Variants in DPH6 observed in about 807,000 individuals in gnomAD.
The protein encoded by DPH6 is diphthamine biosynthesis 6.
Under a neutral mutation model 38.2 loss-of-function variants are expected in DPH6, and 33 were observed. The ratio of observed to expected loss-of-function variants is 0.86; its 90% CI spans 0.65 to 1.15. The LOEUF (loss-of-function observed/expected upper bound fraction) is 1.15. Ranked by LOEUF, DPH6 falls within the 50% of genes most tolerant of loss-of-function variation. The pLI, the probability that DPH6 is intolerant of heterozygous loss-of-function variation, is 0.00. For synonymous variants in DPH6, 108 were observed against 103.0 expected (o/e 1.05, Z -0.30); for missense variants, 325 against 320.0 (o/e 1.02, Z -0.12).
intron 3 of DPH6, among the ~76,000 whole-genome samples, chr15:35,350,290 T>C (rs994603540): frequency 6.6e-6 from 1 of 151,184 alleles, no homozygotes; most frequent in Non-Finnish European, 1.5e-5. Flanking sequence ...TGCAATGTCT[T>C]CTTTCATTTC....
rs1052700853 is a variant in DPH6, at chr15:35,370,940, T to C, written c.*1210A>G. On this transcript the variant is annotated 3_prime_UTR_variant, in exon 9 of 9. Transcript: ENST00000256538. ...CCAAAACATGGAAGCAACTGAGATG[T>C]TCTTCAATAGGTGCATGGACAAATG... 13 of 151,708 alleles carry C rather than the reference T, an allele frequency of 8.6e-5. No homozygotes were observed. The highest frequency in any genetic ancestry group is 3.1e-4 in the African/African-American group (13 of 41,374). 9.4% of individuals were successfully genotyped at this position (151,708 alleles called of 1,614,324 possible). A position where few individuals can be genotyped will look rare whatever the true frequency, so the allele number is the denominator to read the frequency against.
chr15:35,312,010 G>GAAA (rs10573455), intron 3 of DPH6, among the ~76,000 whole-genome samples: 33 of 102,120 alleles, frequency 3.2e-4, no homozygotes, highest in Non-Finnish European at 5.0e-4. Flanking sequence ...TTAAGAAAAT[G>GAAA]AAAAAAAAAA....
the DPH6 span, among the ~76,000 whole-genome samples, chr15:35,191,375 T>C: frequency 2.0e-5 from 3 of 152,312 alleles, no homozygotes; most frequent in East Asian, 3.9e-4. Context: ...TCTACTCAAA[T>C]GGTGATTCAA....
chr15:35,235,725 G>A (rs2051546716), intron 3 of DPH6, among the ~76,000 whole-genome samples: 1 of 152,128 alleles, frequency 6.6e-6, no homozygotes, highest in African/African-American at 2.4e-5. Flanking sequence ...TTTGAAAATG[G>A]AGGGTTCTTT....
At chr15:35,177,600 AATCATCATC>A in the DPH6 span, among the ~76,000 whole-genome samples, 2,888 of 132,996 alleles carry the variant, frequency 0.022, 63 homozygotes, top group East Asian at 0.04. Context: ...AAAAAAAAAA[AATCATCATC>A]ATCATCATCA....
intron 3 of DPH6, chr15:35,520,676 T>C (rs1595439221): frequency 2.0e-6 from 2 of 985,090 alleles, no homozygotes; most frequent in Non-Finnish European, 2.4e-6. Flanking sequence ...GAAAATAATA[T>C]CCTGAATTGC....
chr15:35,380,062 A>G (rs909036133), intron 7 of DPH6, among the ~76,000 whole-genome samples: 1 of 152,208 alleles, frequency 6.6e-6, no homozygotes, highest in African/African-American at 2.4e-5. Context: ...TAACTCATAA[A>G]TGAGTAACAA....
intron 3 of DPH6, among the ~76,000 whole-genome samples, chr15:35,292,105 A>G (rs936981915): frequency 6.6e-6 from 1 of 152,160 alleles, no homozygotes; most frequent in African/African-American, 2.4e-5. Context: ...AAAATTATCA[A>G]TACAAATATC....
At chr15:35,149,423 G>C in the DPH6 span, among the ~76,000 whole-genome samples, 1 of 152,156 alleles carries the variant, frequency 6.6e-6, no homozygotes, top group East Asian at 1.9e-4. Context: ...ATTTTTAGTA[G>C]AGACGGGGTT....
At chr15:35,319,301 C>T (rs1006913525) in intron 3 of DPH6, among the ~76,000 whole-genome samples, 5 of 151,526 alleles carry the variant, frequency 3.3e-5, no homozygotes, top group African/African-American at 1.2e-4. Flanking sequence ...GATATGTATC[C>T]TTAATGTAGA....
At position 35,514,338 on chromosome 15, in the gene DPH6, T is replaced by G. The variant is rs1054149953; in HGVS notation, c.312+23936A>C. 1.3e-4 allele frequency among the ~76,000 whole-genome samples: 20 copies of G among 152,076 alleles called. 1 individual carries two copies. Among genetic ancestry groups the G allele is most frequent in the South Asian group, 1.2e-3 (6 of 4,826 alleles). ...GCTAAAGACAAAATTTCTACATAAGTATAAATGCTCAAGAACATCTGAAAA... is the reference window on the plus strand; with the variant it reads ...GCTAAAGACAAAATTTCTACATAAGGATAAATGCTCAAGAACATCTGAAAA... On this transcript the variant is annotated intron_variant, in intron 3 of 8. Transcript: ENST00000256538.
the DPH6 span, among the ~76,000 whole-genome samples, chr15:35,210,544 C>T: frequency 3.9e-5 from 6 of 152,182 alleles, no homozygotes; most frequent in East Asian, 1.9e-4. Context: ...AACAGTCATA[C>T]ACTACTTCAT....
intron 3 of DPH6, among the ~76,000 whole-genome samples, chr15:35,512,062 T>A (rs2141218056): frequency 6.6e-6 from 1 of 152,318 alleles, no homozygotes; most frequent in East Asian, 1.9e-4. Flanking sequence ...GGATATTTAG[T>A]GAACATAAAG....
At chr15:35,408,167 T>C (rs2053319791) in intron 6 of DPH6, among the ~76,000 whole-genome samples, 1 of 151,974 alleles carries the variant, frequency 6.6e-6, no homozygotes, top group African/African-American at 2.4e-5. Flanking sequence ...ATGAGTTAGA[T>C]ATAGCAGGTG....
intron 5 of DPH6, among the ~76,000 whole-genome samples, chr15:35,424,315 T>C (rs2053542177): frequency 6.6e-6 from 1 of 151,698 alleles, no homozygotes; most frequent in South Asian, 2.1e-4. Context: ...ATTCTTCTTG[T>C]CGCTATTGTG....
intron 6 of DPH6, among the ~76,000 whole-genome samples, chr15:35,391,043 T>C (rs555266639): frequency 6.6e-6 from 1 of 152,336 alleles, no homozygotes; most frequent in South Asian, 2.1e-4. Context: ...TGTCTTTTTG[T>C]TAGTTTTCCT....
At chr15:35,211,027 C>A in the DPH6 span, among the ~76,000 whole-genome samples, 15 of 126,148 alleles carry the variant, frequency 1.2e-4, no homozygotes, top group African/African-American at 4.6e-4. Context: ...TTTTACAAAG[C>A]ATCTGCTACT....
At chr15:35,405,807 C>G (rs2053284551) in intron 6 of DPH6, among the ~76,000 whole-genome samples, 2 of 151,948 alleles carry the variant, frequency 1.3e-5, no homozygotes, top group African/African-American at 4.8e-5. Context: ...AGTTTTTCCC[C>G]ATTCAGTATG....
chr15:35,166,605 G>C, the DPH6 span, among the ~76,000 whole-genome samples: 1 of 151,884 alleles, frequency 6.6e-6, no homozygotes, highest in African/African-American at 2.4e-5. Flanking sequence ...ATCCTGTTTT[G>C]ACCTCCATTA....
Sources: allele counts gnomAD v4.1 joint callset (sites outside exome capture counted in the v4.1 genomes callset), GRCh38; gene constraint gnomAD v4.1.1; transcripts MANE v1.5; gene names NCBI Gene and HGNC (gene_info 2026-07-23, HGNC 2026-07-21).